The following DLGAP1 variants were observed in gnomAD, a reference collection of about 807,000 sequenced individuals.
DLGAP1 encodes DLG associated protein 1.
DLGAP1 carries 11 observed loss-of-function variants against 90.8 expected under a neutral mutation model. The observed-to-expected ratio is 0.12, with a 90% CI of 0.08 to 0.20. The LOEUF is 0.20. DLGAP1 is among the 10% of genes least tolerant of loss of function. The probability of loss-of-function intolerance (pLI) is 1.00; values close to 1 mark genes in which losing one functional copy is unlikely to be tolerated. For missense variants in DLGAP1, 1,050 were observed against 1,333.8 expected (o/e 0.79, Z 3.31); for synonymous variants, 558 against 540.7 (o/e 1.03, Z -0.44).
chr18:4,398,997 A>G (rs1164537687), intron 1 of DLGAP1, among the ~76,000 whole-genome samples: 1 of 152,024 alleles, frequency 6.6e-6, no homozygotes, highest in African/African-American at 2.4e-5. Flanking sequence ...ACGCCTGGTT[A>G]ATTTTTTTTA....
intron 2 of DLGAP1, among the ~76,000 whole-genome samples, chr18:4,024,543 A>C (rs1568357522): frequency 6.6e-6 from 1 of 152,178 alleles, no homozygotes; most frequent in Non-Finnish European, 1.5e-5. Context: ...GCTCGGAGTG[A>C]CATGTCTGTT....
intron 1 of DLGAP1, among the ~76,000 whole-genome samples, chr18:4,321,673 G>A (rs778176075): frequency 4.6e-5 from 7 of 151,898 alleles, no homozygotes; most frequent in East Asian, 1.9e-4. Context: ...AAACCAATTC[G>A]GTTAAATAAT....
At chr18:3,714,522 A>G (rs181578207) in intron 7 of DLGAP1, among the ~76,000 whole-genome samples, 261 of 152,260 alleles carry the variant, frequency 1.7e-3, no homozygotes, top group Non-Finnish European at 3.1e-3. Context: ...CCTAAGCACT[A>G]GGCTGAAAAT....
In DLGAP1 at chr18:4,383,667, A is replaced by T. The variant is rs1338862765; in HGVS notation, c.-267+71339T>A. ...GCTATGTAGAATGCGAAGTGATTAA[A>T]CATCACAGATTATTATACTTCCTTT... is the stretch of plus-strand genomic sequence containing the variant. On this transcript the variant is annotated intron_variant, in intron 1 of 12. Coordinates refer to ENST00000315677, the MANE Select transcript of DLGAP1 (RefSeq NM_004746.4). The surrounding 1 kb of genome is among the most constrained non-coding windows in gnomAD (Gnocchi z 4.0). 1.3e-5 allele frequency among the ~76,000 whole-genome samples: 2 copies of T among 152,152 alleles called. No homozygotes were observed. Among genetic ancestry groups the T allele is most frequent in the Non-Finnish European group, 2.9e-5 (2 of 68,000 alleles).
Position 3,507,603 on chromosome 18 carries a change from A to G in DLGAP1, c.2571+967T>C, listed in dbSNP as rs116375091. ...GATAAAAGAAAAACAAAAAACCTCT[A>G]AGATCATATTTTAAGTAATTTAGAT... On this transcript the variant is annotated intron_variant, in intron 11 of 12. Coordinates refer to ENST00000315677, the MANE Select transcript of DLGAP1 (RefSeq NM_004746.4). Among the ~76,000 whole-genome samples the G allele has an allele frequency of 8.7e-3, 1,332 of 152,272 alleles. 15 individuals carry two copies. Among genetic ancestry groups the G allele is most frequent in the African/African-American group, 0.031 (1,284 of 41,550 alleles).
At chr18:4,198,649 T>C (rs951874163) in intron 1 of DLGAP1, among the ~76,000 whole-genome samples, 1 of 152,138 alleles carries the variant, frequency 6.6e-6, no homozygotes, top group Non-Finnish European at 1.5e-5. Flanking sequence ...TGTCAGTAAA[T>C]TGCAGTTTTC....
chr18:4,062,113 G>A (rs1420850166), intron 2 of DLGAP1, among the ~76,000 whole-genome samples: 3 of 152,134 alleles, frequency 2.0e-5, no homozygotes, highest in African/African-American at 7.2e-5. Context: ...TTCAGAAAGT[G>A]TATTCTTCTA....
chr18:4,414,990 A>G (rs2144638433), intron 1 of DLGAP1, among the ~76,000 whole-genome samples: 1 of 152,086 alleles, frequency 6.6e-6, no homozygotes, highest in Non-Finnish European at 1.5e-5. Context: ...ATACAAAACA[A>G]CATTGTGTTT....
At chr18:4,039,244 T>C (rs377479608) in intron 2 of DLGAP1, among the ~76,000 whole-genome samples, 1 of 152,204 alleles carries the variant, frequency 6.6e-6, no homozygotes, top group South Asian at 2.1e-4. Context: ...TATTTATAGT[T>C]ATTCCCTCTC....
At chr18:3,998,440 G>A (rs796240677) in intron 3 of DLGAP1, among the ~76,000 whole-genome samples, 1 of 152,056 alleles carries the variant, frequency 6.6e-6, no homozygotes, top group South Asian at 2.1e-4. Context: ...CACCAAAGCC[G>A]TTTATGATAT....
In DLGAP1 at chr18:3,565,509, C is replaced by T. The variant is rs79893869; in HGVS notation, c.2057+1981G>A. The stretch of plus-strand genomic sequence containing the variant: ...TACTTTCAAAAATTTTTCTAAAACA[C>T]TTAATAAAGAAACATATGCCTAGGA... On this transcript the variant is annotated intron_variant, in intron 9 of 12. Coordinates refer to ENST00000315677, the MANE Select transcript of DLGAP1 (RefSeq NM_004746.4). The surrounding 1 kb of genome is among the most constrained non-coding windows in gnomAD (Gnocchi z 4.0). 0.022 allele frequency among the ~76,000 whole-genome samples: 3,351 copies of T among 151,840 alleles called. 127 individuals are homozygous for T. The highest frequency in any genetic ancestry group is 0.077 in the African/African-American group (3,202 of 41,460).
chr18:3,657,016 G>A (rs1723001008), intron 7 of DLGAP1, among the ~76,000 whole-genome samples: 1 of 152,190 alleles, frequency 6.6e-6, no homozygotes, highest in African/African-American at 2.4e-5. Context: ...AAAGTGCTGG[G>A]ATTACAGGCG....
chr18:3,503,732 T>C (rs1598959401), intron 11 of DLGAP1, among the ~76,000 whole-genome samples: 1 of 152,322 alleles, frequency 6.6e-6, no homozygotes, highest in African/African-American at 2.4e-5. Flanking sequence ...TTGAAGACCA[T>C]CAAAATAATG....
At chr18:4,001,587 G>A (rs1185979307) in intron 3 of DLGAP1, among the ~76,000 whole-genome samples, 1 of 152,110 alleles carries the variant, frequency 6.6e-6, no homozygotes, top group Non-Finnish European at 1.5e-5. Context: ...ATTTTTGGAT[G>A]TGTTTACAAG....
At chr18:3,834,366 T>C (rs1164937821) in intron 4 of DLGAP1, among the ~76,000 whole-genome samples, 1 of 150,542 alleles carries the variant, frequency 6.6e-6, no homozygotes, top group East Asian at 1.9e-4. Context: ...TAGCACTGGT[T>C]GTAAAAGCAA....
intron 5 of DLGAP1, among the ~76,000 whole-genome samples, chr18:3,789,601 C>T (rs760239927): frequency 3.9e-5 from 6 of 152,094 alleles, no homozygotes; most frequent in Non-Finnish European, 8.8e-5. Flanking sequence ...CCAAAAGACA[C>T]TGAGAAAATG....
intron 1 of DLGAP1, among the ~76,000 whole-genome samples, chr18:4,426,480 A>G (rs2083158672): frequency 1.3e-5 from 2 of 150,746 alleles, no homozygotes; most frequent in South Asian, 4.1e-4. Context: ...GGATTTCAAG[A>G]GGATAAAACA....
intron 1 of DLGAP1, among the ~76,000 whole-genome samples, chr18:4,358,450 A>C (rs898363413): frequency 6.6e-6 from 1 of 152,206 alleles, no homozygotes; most frequent in African/African-American, 2.4e-5. Context: ...GAAACAAAGA[A>C]AGAAGGCCAG....
At chr18:4,216,776 T>C (rs2077967490) in intron 1 of DLGAP1, among the ~76,000 whole-genome samples, 1 of 152,134 alleles carries the variant, frequency 6.6e-6, no homozygotes, top group Non-Finnish European at 1.5e-5. Flanking sequence ...ATGAAAAGTA[T>C]GGCAAGTTCT....
Sources: gnomAD v4.1 joint callset for allele counts (sites outside exome capture counted in the v4.1 genomes callset) on GRCh38, gnomAD v4.1.1 for gene constraint, Gnocchi (gnomAD v3.1) non-coding constraint, MANE v1.5 for transcripts, NCBI Gene and HGNC (gene_info 2026-07-23, HGNC 2026-07-21) for gene names.